FAT4: variants seen among roughly 807,000 people sequenced by gnomAD.
The protein encoded by FAT4 is protocadherin Fat 4.
A neutral mutation model predicts 303.9 loss-of-function variants in FAT4; 84 were observed. That is an observed-to-expected ratio of 0.28 (90% confidence interval 0.23 to 0.33). FAT4 has a LOEUF of 0.33. Among genes scored for constraint, FAT4 ranks in the 10% least tolerant of loss-of-function variants. The probability of loss-of-function intolerance (pLI) is 1.00; values close to 1 mark genes in which losing one functional copy is unlikely to be tolerated. For synonymous variants in FAT4, 2,307 were observed against 2,298.8 expected, an observed-to-expected ratio of 1.00 and a Z score of -0.10; for missense variants, 6,005 against 6,146.8, an observed-to-expected ratio of 0.98 and a Z score of 0.77.
intron 5 of FAT4, among the ~76,000 whole-genome samples, chr4:125,409,142 T>G (rs1734745109): frequency 6.6e-6 from 1 of 152,152 alleles, no homozygotes; most frequent in Admixed American, 6.6e-5. Flanking sequence ...TTTACATATG[T>G]TATTTTAACT....
intron 2 of FAT4, among the ~76,000 whole-genome samples, chr4:125,348,974 T>G (rs139526364): frequency 1.2e-3 from 188 of 151,886 alleles, no homozygotes; most frequent in African/African-American, 4.1e-3. Context: ...GAAACTAAAA[T>G]AAATTGTCAT....
chr4:125,477,080 C>G (rs1169877046), intron 13 of FAT4, 75 bp from the exon 14 acceptor site: 1 of 1,172,982 alleles, frequency 8.5e-7, no homozygotes, highest in Non-Finnish European at 1.1e-6. Flanking sequence ...TATATTCACT[C>G]TTTTTCGAAC....
intron 12 of FAT4, 46 bp from the exon 13 acceptor site, chr4:125,476,125 G>T (rs1727020673): frequency 3.2e-6 from 4 of 1,243,748 alleles, no homozygotes; most frequent in South Asian, 1.3e-5. Context: ...AGGCTAATAG[G>T]GACGGTAGAA....
intron 7 of FAT4, among the ~76,000 whole-genome samples, chr4:125,426,730 T>C (rs771328838): frequency 2.6e-5 from 4 of 152,020 alleles, no homozygotes; most frequent in Non-Finnish European, 5.9e-5. Context: ...AATTGAAATT[T>C]GATAAAACAG....
chr4:125,343,249 A>C lies in FAT4; in HGVS notation c.5175+21663A>C, dbSNP rs75878122. Among the ~76,000 whole-genome samples the C allele has an allele frequency of 5.0e-3, 763 of 152,266 alleles. 32 individuals are homozygous for C. The South Asian group carries it at 0.076, about 15-fold the overall frequency. ...TATTCTCCTTCAGACAGGGCGGATG[A>C]TATTTCCAGAAGCAAGTCAGTGTAT... is the stretch of plus-strand genomic sequence containing the variant. On this transcript the variant is annotated intron_variant, in intron 2 of 17. Transcript: ENST00000394329.
chr4:125,367,296 A>T (rs1732922565), intron 2 of FAT4, among the ~76,000 whole-genome samples: 1 of 152,192 alleles, frequency 6.6e-6, no homozygotes, highest in South Asian at 2.1e-4. Flanking sequence ...ATTTTTCTAC[A>T]CACTGTACAT....
Position 125,317,454 on chromosome 4 carries a change from A to T in FAT4, c.1043A>T (p.Asp348Val). The T allele has an allele frequency of 6.2e-7, 1 of 1,613,654 alleles. No homozygotes were observed. The highest frequency in any genetic ancestry group is 8.5e-7 in the Non-Finnish European group (1 of 1,180,036). Residue 348 changes from aspartate to valine, a missense_variant, in exon 2 of 18, where the codon GAC becomes GTC. Physicochemically the swap from Asp to Val is radical, Grantham distance 152 (BLOSUM62 -3). Coordinates refer to ENST00000394329, the MANE Select transcript of FAT4 (RefSeq NM_001291303.3). The surrounding 1 kb of genome is among the most constrained non-coding windows in gnomAD (Gnocchi z 7.0). ...CTGATTCAGCTGCTGGACGTGAATG[A>T]CAATGACCCGGTAGTGAAGTTCCGC... ...EALIQLLDVN[D>V]NDPVVKFRYF...
At position 125,440,114 on chromosome 4, in the gene FAT4, C is replaced by A. The variant is rs538661570; in HGVS notation, c.7199+5689C>A. On this transcript the variant is annotated intron_variant, in intron 8 of 17. Coordinates refer to ENST00000394329, the MANE Select transcript of FAT4 (RefSeq NM_001291303.3). ...TCATCTTTTTTACTCCTAATATATT[C>A]TTTCTTTTACAATATCTGGTACATA... 2.6e-5 allele frequency among the ~76,000 whole-genome samples: 4 copies of A among 152,080 alleles called. No individual in the cohort carries two copies. In the Middle Eastern group the frequency reaches 0.014, roughly 517 times the overall value.
chr4:125,350,225 T>G (rs1424009551), intron 2 of FAT4, among the ~76,000 whole-genome samples: 1 of 151,778 alleles, frequency 6.6e-6, no homozygotes, highest in Non-Finnish European at 1.5e-5. Context: ...TTGGTGTTTA[T>G]TTCTAGTTAC....
intron 8 of FAT4, among the ~76,000 whole-genome samples, chr4:125,436,156 A>G (rs1290685025): frequency 6.6e-6 from 1 of 150,478 alleles, no homozygotes; most frequent in Non-Finnish European, 1.5e-5. Context: ...AAACCTGCAC[A>G]TTGTGCACAT....
chr4:125,398,225 A>G (rs1311745962), intron 2 of FAT4, among the ~76,000 whole-genome samples: 4 of 152,152 alleles, frequency 2.6e-5, no homozygotes, highest in Admixed American at 2.0e-4. Flanking sequence ...TTTAGTCACA[A>G]ATAGAGAGTG....
chr4:125,446,234 A>G (rs1456254006), intron 8 of FAT4, 59 bp from the exon 9 acceptor site: 1 of 1,420,648 alleles, frequency 7.0e-7, no homozygotes, highest in Non-Finnish European at 9.6e-7. Context: ...AATTATAGTA[A>G]ATAGAAGTTA....
At chr4:125,368,721 A>G (rs1428880092) in intron 2 of FAT4, among the ~76,000 whole-genome samples, 4 of 151,772 alleles carry the variant, frequency 2.6e-5, no homozygotes. Context: ...ATGGGAAAAT[A>G]TCCAAAACTT....
chr4:125,454,911 G>C (rs1726225447), intron 10 of FAT4, among the ~76,000 whole-genome samples: 1 of 152,086 alleles, frequency 6.6e-6, no homozygotes, highest in African/African-American at 2.4e-5. Flanking sequence ...TAGTAATAAT[G>C]GTATTAGTAT....
chr4:125,446,675 G>A (rs1725840258), intron 9 of FAT4, 132 bp downstream of exon 9: 1 of 931,634 alleles, frequency 1.1e-6, no homozygotes, highest in East Asian at 2.9e-5. Context: ...TAAAATTCAG[G>A]TTGTTTTGTC....
chr4:125,488,047 A>G (rs942048090), intron 17 of FAT4, among the ~76,000 whole-genome samples: 2 of 152,260 alleles, frequency 1.3e-5, no homozygotes, highest in African/African-American at 4.8e-5. Flanking sequence ...GATAAATAAT[A>G]CAAATGAAGA....
At chr4:125,363,328 C>T (rs1336480060) in intron 2 of FAT4, among the ~76,000 whole-genome samples, 4 of 151,688 alleles carry the variant, frequency 2.6e-5, no homozygotes, top group Admixed American at 1.3e-4. Context: ...TATGTAGCCA[C>T]TTTTTAATAT....
At chr4:125,429,405 G>C (rs1044514973) in intron 7 of FAT4, among the ~76,000 whole-genome samples, 1 of 152,112 alleles carries the variant, frequency 6.6e-6, no homozygotes, top group African/African-American at 2.4e-5. Flanking sequence ...CGTGACTGGA[G>C]TACGTTGATA....
intron 8 of FAT4, chr4:125,446,071 C>T: frequency 2.5e-6 from 1 of 407,460 alleles, no homozygotes; most frequent in Non-Finnish European, 4.4e-6. Flanking sequence ...GTGAAGACTT[C>T]CTTGACATCA....
Sources: allele counts gnomAD v4.1 joint callset (sites outside exome capture counted in the v4.1 genomes callset), GRCh38; gene constraint gnomAD v4.1.1; non-coding constraint Gnocchi (gnomAD v3.1); transcripts MANE v1.5; gene names NCBI Gene and HGNC (gene_info 2026-07-23, HGNC 2026-07-21).